Variants in BLTP1 observed in about 807,000 individuals in gnomAD.
BLTP1 encodes the protein fragile site-associated protein.
the BLTP1 span, among the ~76,000 whole-genome samples, chr4:122,248,289 C>T: frequency 1.3e-5 from 2 of 151,990 alleles, no homozygotes; most frequent in Non-Finnish European, 2.9e-5. Flanking sequence ...CCAATTTGCA[C>T]TGGGTATTAT....
At chr4:122,360,053 A>G in the BLTP1 span, 2 of 985,206 alleles carry the variant, frequency 2.0e-6, no homozygotes. Flanking sequence ...TGAGGTAGCT[A>G]CTGTAAACTG....
the BLTP1 span, chr4:122,199,472 A>T: frequency 6.4e-7 from 1 of 1,571,132 alleles, no homozygotes; most frequent in Non-Finnish European, 8.7e-7. Context: ...GTACATGATG[A>T]TATACATACT....
At chr4:122,316,413 T>C in the BLTP1 span, 1 of 477,644 alleles carries the variant, frequency 2.1e-6, no homozygotes, top group South Asian at 1.5e-5. Flanking sequence ...GACTTGTAAA[T>C]CACCTACTAG....
the BLTP1 span, chr4:122,254,233 A>G: frequency 6.2e-7 from 1 of 1,612,610 alleles, no homozygotes; most frequent in Non-Finnish European, 8.5e-7. Context: ...AAAAAGATCT[A>G]CCTCTGATGC....
the BLTP1 span, among the ~76,000 whole-genome samples, chr4:122,219,854 C>G: frequency 1.3e-5 from 2 of 152,106 alleles, no homozygotes; most frequent in Non-Finnish European, 2.9e-5. Context: ...TTATAATTAA[C>G]CTGATGGGTG....
chr4:122,276,488 T>C, the BLTP1 span: 1 of 982,582 alleles, frequency 1.0e-6, no homozygotes, highest in South Asian at 4.7e-5. Flanking sequence ...TAGATTTTCA[T>C]GGCCTTTACT....
chr4:122,289,065 C>A, the BLTP1 span: 1 of 1,601,418 alleles, frequency 6.2e-7, no homozygotes, highest in South Asian at 1.1e-5. Flanking sequence ...CAGTGTTAAT[C>A]TAATATGATT....
chr4:122,194,402 C>T, the BLTP1 span: 13 of 300,678 alleles, frequency 4.3e-5, no homozygotes, highest in African/African-American at 1.4e-4. Flanking sequence ...TAAAATTTCA[C>T]GTTAGAAAGA....
the BLTP1 span, among the ~76,000 whole-genome samples, chr4:122,178,708 ATTTATTAT>A: frequency 6.6e-6 from 1 of 152,118 alleles, no homozygotes; most frequent in African/African-American, 2.4e-5. Context: ...TTATTATCTC[ATTTATTAT>A]TTTATTATTT....
chr4:122,335,918 T>C, the BLTP1 span, among the ~76,000 whole-genome samples: 3 of 152,126 alleles, frequency 2.0e-5, no homozygotes, highest in African/African-American at 7.2e-5. Context: ...AAAGGACTAA[T>C]GCTAATGAGA....
At chr4:122,249,745 GT>G in the BLTP1 span, 2 of 1,584,072 alleles carry the variant, frequency 1.3e-6, no homozygotes, top group South Asian at 2.3e-5. Context: ...TTGCAGAAAT[GT>G]TTTGAACAAT....
chr4:122,180,841 T>G, the BLTP1 span, among the ~76,000 whole-genome samples: 1 of 152,248 alleles, frequency 6.6e-6, no homozygotes, highest in African/African-American at 2.4e-5. Context: ...TCTATTTATG[T>G]AATTTATTTA....
the BLTP1 span, chr4:122,261,853 T>C: frequency 1.0e-6 from 1 of 985,412 alleles, no homozygotes; most frequent in Non-Finnish European, 1.2e-6. Flanking sequence ...TCAACACCCT[T>C]CCTCCACCTT....
the BLTP1 span, among the ~76,000 whole-genome samples, chr4:122,168,157 G>A: frequency 6.6e-6 from 1 of 152,108 alleles, no homozygotes; most frequent in Non-Finnish European, 1.5e-5. Flanking sequence ...TTCTCTTAAA[G>A]GCTTTGCATT....
the BLTP1 span, among the ~76,000 whole-genome samples, chr4:122,157,895 C>G: frequency 6.6e-6 from 1 of 152,118 alleles, no homozygotes; most frequent in African/African-American, 2.4e-5. Context: ...TTTCTTTGAA[C>G]TTGATATGAT....
At chr4:122,289,222 G>A in the BLTP1 span, 8 of 1,477,670 alleles carry the variant, frequency 5.4e-6, no homozygotes, top group African/African-American at 9.8e-5. Context: ...TATAGTATAG[G>A]TGTAGGTTTT....
chr4:122,310,658 G>A, the BLTP1 span, among the ~76,000 whole-genome samples: 1 of 152,102 alleles, frequency 6.6e-6, no homozygotes, highest in African/African-American at 2.4e-5. Flanking sequence ...TATAGGAAGG[G>A]CATCTCTCAC....
the BLTP1 span, among the ~76,000 whole-genome samples, chr4:122,233,082 T>C: frequency 1.3e-5 from 2 of 152,348 alleles, no homozygotes; most frequent in Non-Finnish European, 2.9e-5. Context: ...TTGGAACTTA[T>C]TACAAATATA....
the BLTP1 span, chr4:122,187,982 C>T: frequency 6.3e-7 from 1 of 1,597,054 alleles, no homozygotes; most frequent in Non-Finnish European, 8.5e-7. Context: ...TACAAAACCA[C>T]CTTCAAGTCA....
Sources: gnomAD v4.1 joint callset for allele counts (sites outside exome capture counted in the v4.1 genomes callset) on GRCh38, gnomAD v4.1.1 for gene constraint, MANE v1.5 for transcripts, NCBI Gene and HGNC (gene_info 2026-07-23, HGNC 2026-07-21) for gene names.